Variants in PRKG2 observed in about 807,000 individuals in gnomAD.
PRKG2 encodes protein kinase cGMP-dependent 2.
In PRKG2, 33 loss-of-function variants were observed where a neutral mutation model predicts 97.2. The ratio of observed to expected loss-of-function variants is 0.34; its 90% confidence interval spans 0.26 to 0.45. The LOEUF (loss-of-function observed/expected upper bound fraction) is 0.45, where lower values mean the gene tolerates loss of function less well. Ranked by LOEUF, PRKG2 falls within the 20% of genes least tolerant of loss-of-function variation. The pLI, the probability that PRKG2 is intolerant of heterozygous loss-of-function variation, is 1.00. For synonymous variants in PRKG2, 330 were observed against 321.8 expected, an observed-to-expected ratio of 1.03 and a Z score of -0.27; for missense variants, 638 against 900.0, an observed-to-expected ratio of 0.71 and a Z score of 3.73.
chr4:81,138,014 G>C (rs1045355856), intron 12 of PRKG2, among the ~76,000 whole-genome samples: 1 of 152,174 alleles, frequency 6.6e-6, no homozygotes, highest in Non-Finnish European at 1.5e-5. Context: ...AACACCTGTG[G>C]GGAAGGGAGG....
At chr4:81,140,355 T>A (rs757763425) in intron 12 of PRKG2, among the ~76,000 whole-genome samples, 178 bp downstream of exon 12, 6 of 152,188 alleles carry the variant, frequency 3.9e-5, no homozygotes, top group Non-Finnish European at 1.5e-5. Context: ...GGATACCCCA[T>A]TTTCCATGCT....
intron 18 of PRKG2, among the ~76,000 whole-genome samples, chr4:81,091,291 A>T (rs942424617): frequency 6.6e-6 from 1 of 151,750 alleles, no homozygotes; most frequent in African/African-American, 2.4e-5. Flanking sequence ...TATTATTATT[A>T]TTATTTTTTG....
At chr4:81,164,283 A>G (rs1749803253) in intron 6 of PRKG2, among the ~76,000 whole-genome samples, 1 of 152,204 alleles carries the variant, frequency 6.6e-6, no homozygotes, top group African/African-American at 2.4e-5. Flanking sequence ...GACAGCTGGT[A>G]GAGTGACAGA....
At chr4:81,101,304 A>G (rs1423861730) in intron 17 of PRKG2, among the ~76,000 whole-genome samples, 1 of 152,136 alleles carries the variant, frequency 6.6e-6, no homozygotes, top group African/African-American at 2.4e-5. Context: ...TAGCAAAGAC[A>G]TGGAACCAAC....
At chr4:81,092,311 A>T in intron 18 of PRKG2, 75 bp downstream of exon 18, 3 of 970,898 alleles carry the variant, frequency 3.1e-6, no homozygotes. Flanking sequence ...GCATATACAT[A>T]CACACATCTA....
At chr4:81,199,383 C>A (rs1474666553) in intron 2 of PRKG2, among the ~76,000 whole-genome samples, 5 of 152,074 alleles carry the variant, frequency 3.3e-5, no homozygotes, top group Admixed American at 2.6e-4. Flanking sequence ...ATAAGGCCTT[C>A]CAATAAAAAG....
At position 81,089,577 on chromosome 4, in the gene PRKG2, G is replaced by A; in HGVS notation, c.*131C>T. ...TCCACACCATTCTCCTCTTCCCATT[G>A]TGCAGGAATTTCTTTTCCCTAATGG... On this transcript the variant is annotated 3_prime_UTR_variant, in exon 19 of 19. Transcript: ENST00000264399. The A allele has an allele frequency of 3.1e-6, 2 of 643,984 alleles. No homozygotes were observed. Among genetic ancestry groups the A allele is most frequent in the South Asian group, 4.4e-5 (2 of 45,442 alleles). 39.9% of individuals were successfully genotyped at this position (643,984 alleles called of 1,614,324 possible). A position where few individuals can be genotyped will look rare whatever the true frequency, so the allele number is the denominator to read the frequency against.
chr4:81,090,529 C>G (rs1038077212), intron 18 of PRKG2, among the ~76,000 whole-genome samples: 2 of 152,076 alleles, frequency 1.3e-5, no homozygotes, highest in African/African-American at 4.8e-5. Flanking sequence ...AAAAAAGGAA[C>G]AATTCAAAAT....
chr4:81,116,832 G>A (rs1744579145), intron 14 of PRKG2, among the ~76,000 whole-genome samples: 1 of 151,788 alleles, frequency 6.6e-6, no homozygotes, highest in Non-Finnish European at 1.5e-5. Flanking sequence ...AGACGTGTCT[G>A]TTCATGTCCC....
At chr4:81,216,228 G>A (rs1455493843), upstream of PRKG2, among the ~76,000 whole-genome samples, 2 of 152,116 alleles carry the variant, frequency 1.3e-5, no homozygotes, top group Non-Finnish European at 2.9e-5. Context: ...TGTAAAATAT[G>A]TTGAATGAGA....
At position 81,204,995 on chromosome 4, in the gene PRKG2, G is replaced by C. The variant is rs755518936; in HGVS notation, c.53C>G (p.Ser18Cys). ...PKHSKHPDGH[S>C]GNLTTDALRN... ...CAGAGCATCAGTGGTGAGGTTCCCA[G>C]AGTGTCCATCTGGGTGCTTAGAATG... The change falls in exon 2 of 19, where the codon TCT (serine) becomes TGT (cysteine). Residue 18 changes from serine to cysteine, a missense_variant. Transcript: ENST00000264399. The C allele has an allele frequency of 1.5e-5, 24 of 1,613,882 alleles. No homozygotes were observed. The Admixed American group carries it at 1.8e-4, about 12-fold the overall frequency.
At chr4:81,160,888 G>A (rs1428430003) in intron 6 of PRKG2, among the ~76,000 whole-genome samples, 1 of 152,114 alleles carries the variant, frequency 6.6e-6, no homozygotes, top group Non-Finnish European at 1.5e-5. Context: ...AGATTAAACT[G>A]TCCACCTCTA....
At chr4:81,183,221 G>A (rs932348759) in intron 2 of PRKG2, among the ~76,000 whole-genome samples, 6 of 152,292 alleles carry the variant, frequency 3.9e-5, no homozygotes, top group Middle Eastern at 3.4e-3. Flanking sequence ...AATAGGAACA[G>A]CTCCAGTCTG....
chr4:81,128,903 T>C (rs1244466454), intron 14 of PRKG2, among the ~76,000 whole-genome samples: 1 of 152,206 alleles, frequency 6.6e-6, no homozygotes, highest in East Asian at 1.9e-4. Flanking sequence ...TCTAGTTCTT[T>C]TAATTGTGAT....
intron 14 of PRKG2, among the ~76,000 whole-genome samples, chr4:81,128,980 C>T (rs918102997): frequency 2.0e-5 from 3 of 152,160 alleles, no homozygotes; most frequent in Admixed American, 1.3e-4. Flanking sequence ...AAATTTCCCT[C>T]TTTAGCTGTG....
Position 81,171,817 on chromosome 4 carries a change from A to G in PRKG2, c.629-13T>C, listed in dbSNP as rs933995362. The stretch of plus-strand genomic sequence containing the variant: ...TCTAGTCGACCCTCTATCAAGCAGA[A>G]TTTTAAAAAACACACACACAAATAA... On this transcript the variant is annotated splice_polypyrimidine_tract_variant and intron_variant, in intron 3 of 18. Transcript: ENST00000264399. The G allele has an allele frequency of 6.4e-7, 1 of 1,557,904 alleles. No individual in the cohort carries two copies. The highest frequency in any genetic ancestry group is 8.7e-7 in the Non-Finnish European group (1 of 1,145,926).
At chr4:81,129,825 G>C (rs922956177) in intron 14 of PRKG2, among the ~76,000 whole-genome samples, 1 of 152,000 alleles carries the variant, frequency 6.6e-6, no homozygotes, top group Non-Finnish European at 1.5e-5. Flanking sequence ...CATTTAGCTT[G>C]TTTACACTTA....
intron 7 of PRKG2, 38 bp downstream of exon 7, chr4:81,153,606 T>C (rs1748635802): frequency 6.8e-7 from 1 of 1,476,672 alleles, no homozygotes; most frequent in East Asian, 2.4e-5. Context: ...TGATTTAAAA[T>C]AATCTTTTTT....
At chr4:81,192,450 T>G (rs914715630) in intron 2 of PRKG2, among the ~76,000 whole-genome samples, 3 of 152,188 alleles carry the variant, frequency 2.0e-5, no homozygotes, top group African/African-American at 7.2e-5. Context: ...AAAATATGTA[T>G]GACTTTGGAA....
Sources: gnomAD v4.1 joint callset for allele counts (sites outside exome capture counted in the v4.1 genomes callset) on GRCh38, gnomAD v4.1.1 for gene constraint, MANE v1.5 for transcripts, NCBI Gene and HGNC (gene_info 2026-07-23, HGNC 2026-07-21) for gene names.